ETAA1: variants seen among roughly 807,000 people sequenced by gnomAD.
The protein encoded by ETAA1 is ewing's tumor-associated antigen 1.
Under a neutral mutation model 76.8 loss-of-function variants are expected in ETAA1, and 49 were observed. The observed-to-expected ratio is 0.64, with a 90% CI of 0.51 to 0.81. The LOEUF (loss-of-function observed/expected upper bound fraction) is 0.81, where lower values mean the gene tolerates loss of function less well. ETAA1 is among the 30% of genes least tolerant of loss of function. ETAA1 has a pLI of 0.00. For synonymous variants in ETAA1, 373 were observed against 372.2 expected (o/e 1.00, Z -0.03); for missense variants, 1,099 against 1,074.0 (o/e 1.02, Z -0.32).
In ETAA1 at chr2:67,411,241, T is replaced by TA. The variant is rs1382605424; in HGVS notation, c.*1204dup. On this transcript the variant is annotated 3_prime_UTR_variant, in exon 6 of 6. Transcript: ENST00000272342. ...TGGTTTTAGGAGATCTAGAGAAAGT[T>TA]AGAGATATGAAACACCTGTCATGGT... The TA allele has an allele frequency of 6.6e-6, 1 of 152,032 alleles. No homozygotes were observed. Among genetic ancestry groups the TA allele is most frequent in the Non-Finnish European group, 1.5e-5 (1 of 67,994 alleles). 9.4% of individuals were successfully genotyped at this position (152,032 alleles called of 1,614,324 possible).
At position 67,410,279 on chromosome 2, in the gene ETAA1, A is replaced by G; in HGVS notation, c.*241A>G. The stretch of plus-strand genomic sequence containing the variant: ...CAGGAAAGTTAGCAATTATGTACGG[A>G]TATTATACAGAGGAAAGTAGTTATA... On this transcript the variant is annotated 3_prime_UTR_variant, in exon 6 of 6. Transcript: ENST00000272342. The G allele has an allele frequency of 2.5e-6, 1 of 400,312 alleles. No homozygotes were observed. The highest frequency in any genetic ancestry group is 3.6e-5 in the South Asian group (1 of 27,776). The allele number at this position is 400,312 out of a possible 1,614,324, so 24.8% of individuals were successfully genotyped here.
chr2:67,402,182 A>G (rs1676074936), intron 3 of ETAA1: 1 of 151,910 alleles, frequency 6.6e-6, no homozygotes, highest in Non-Finnish European at 1.5e-5. Context: ...AGTGACTGAA[A>G]GGTACAGCAA....
chr2:67,405,042 T>C lies in ETAA1; in HGVS notation c.2360T>C (p.Ile787Thr). Residue 787 changes from isoleucine to threonine, a missense_variant, in exon 5 of 6, where the codon ATT (isoleucine) becomes ACT (threonine). Coordinates refer to ENST00000272342, the MANE Select transcript of ETAA1 (RefSeq NM_019002.4). ...NVTSDHMNTE[I>T]TTYKKKLSTN... ...ACTTCAGATCATATGAATACAGAAA[T>C]TACTACTTATAAGAAGAAATTGAGT... 1 of 1,611,532 alleles carries C rather than the reference T, an allele frequency of 6.2e-7. No homozygotes were observed. Among genetic ancestry groups the C allele is most frequent in the Non-Finnish European group, 8.5e-7 (1 of 1,178,830 alleles).
At position 67,399,581 on chromosome 2, in the gene ETAA1, A is replaced by C. The variant is rs767980411; in HGVS notation, c.384A>C (p.Thr128=). The change falls in exon 3 of 6, where the codon ACA becomes ACC. Residue 128 remains threonine, a synonymous_variant. Coordinates refer to ENST00000272342, the MANE Select transcript of ETAA1 (RefSeq NM_019002.4). ...GKGRKKQIYT[T]DSDEISHIVN... ...GAAGAAAAAAACAGATTTACACCACAGATAGTGATGAGATTTCACATATTG... is the reference window on the plus strand; with the variant it reads ...GAAGAAAAAAACAGATTTACACCACCGATAGTGATGAGATTTCACATATTG... 6.2e-7 allele frequency: 1 copy of C among 1,608,592 alleles called. No homozygotes were observed. Among genetic ancestry groups the C allele is most frequent in the South Asian group, 1.1e-5 (1 of 90,280 alleles).
rs1473435499 is a variant in ETAA1, at chr2:67,408,246, A to T, written c.2654-1665A>T. On this transcript the variant is annotated intron_variant, in intron 5 of 5. Coordinates refer to ENST00000272342, the MANE Select transcript of ETAA1 (RefSeq NM_019002.4). Reference sequence around the variant, plus strand: ...TATTTCAGGCAGGAGTTGGCAAACTATGATCTGTCCAAATCCAGCCTGCAG... The same window carrying T: ...TATTTCAGGCAGGAGTTGGCAAACTTTGATCTGTCCAAATCCAGCCTGCAG... Among the ~76,000 whole-genome samples, 3 of 152,282 alleles carry T rather than the reference A, an allele frequency of 2.0e-5. No homozygotes were observed. In the East Asian group the frequency reaches 5.8e-4, roughly 29 times the overall value.
rs778322734 is a variant in ETAA1, at chr2:67,404,291, AT to A, written c.1613del (p.Leu538Ter). On this transcript the variant is annotated frameshift_variant, in exon 5 of 6. Coordinates refer to ENST00000272342, the MANE Select transcript of ETAA1 (RefSeq NM_019002.4). LOFTEE classifies it high-confidence loss of function. ...RYSNEQKNKC[I>X]LNQSIKAPVN... ...TTCTAATGAACAGAAAAATAAGTGC[AT>A]TTTAAATCAGTCTATTAAAGCCCCT... The A allele has an allele frequency of 1.9e-6, 3 of 1,611,996 alleles. No homozygotes were observed. Among genetic ancestry groups the A allele is most frequent in the African/African-American group, 2.7e-5 (2 of 74,888 alleles).
chr2:67,399,675 C>A, intron 3 of ETAA1, 49 bp downstream of exon 3: 1 of 1,267,738 alleles, frequency 7.9e-7, no homozygotes, highest in African/African-American at 1.5e-5. Context: ...GAAGAATGTG[C>A]CACTAAGTTT....
rs532552309 is a variant in ETAA1, at chr2:67,406,188, T to C, written c.2653+853T>C. 3.3e-5 allele frequency among the ~76,000 whole-genome samples: 5 copies of C among 152,252 alleles called. No homozygotes were observed. The Middle Eastern group carries it at 0.01, about 311-fold the overall frequency. On this transcript the variant is annotated intron_variant, in intron 5 of 5. Coordinates refer to ENST00000272342, the MANE Select transcript of ETAA1 (RefSeq NM_019002.4). Reference sequence around the variant, plus strand: ...CTCTCTTTAACCTGCGTCTCCTCTTTTTTCCTTACCTACTAAGCTTCAGCT... The same window carrying C: ...CTCTCTTTAACCTGCGTCTCCTCTTCTTTCCTTACCTACTAAGCTTCAGCT...
rs368190103 is a variant in ETAA1, at chr2:67,403,676, A to G, written c.994A>G (p.Ile332Val). Reference protein sequence around the residue: ...EKIITNETLVIEKLSNKTPRS... With the variant: ...EKIITNETLVVEKLSNKTPRS... ...AATCATTACTAATGAAACTCTGGTC[A>G]TTGAAAAACTGTCAAATAAAACCCC... Residue 332 changes from isoleucine (I) to valine (V), a missense_variant, in exon 5 of 6, where the codon ATT becomes GTT. By Grantham distance (29) the Ile-to-Val change is conservative. Transcript: ENST00000272342. 1 of 1,613,440 alleles carries G rather than the reference A, an allele frequency of 6.2e-7. No individual in the cohort carries two copies. Among genetic ancestry groups the G allele is most frequent in the Non-Finnish European group, 8.5e-7 (1 of 1,179,484 alleles).
At chr2:67,399,439 CAT>C (rs1014074616) in intron 2 of ETAA1, 109 bp from the exon 3 acceptor site, 58 of 1,128,106 alleles carry the variant, frequency 5.1e-5, no homozygotes, top group Admixed American at 4.7e-4. Context: ...GATGTAAACA[CAT>C]AATCCTCTAA....
At chr2:67,399,412 T>C in intron 2 of ETAA1, 115 bp downstream of exon 2, 1 of 1,172,636 alleles carries the variant, frequency 8.5e-7, no homozygotes, top group African/African-American at 1.6e-5. Flanking sequence ...TATATGATTT[T>C]ATCTGTATAA....
rs772798354 is a variant in ETAA1, at chr2:67,405,114, A to T, written c.2432A>T (p.Asn811Ile). ...HKTVTDEAQS[N>I]LNTTVGFSKF... is the part of the protein sequence containing the mutation. Reference sequence around the variant, plus strand: ...ACTGTAACAGATGAAGCTCAGAGCAACCTTAACACAACAGTTGGATTTTCA... The same window carrying T: ...ACTGTAACAGATGAAGCTCAGAGCATCCTTAACACAACAGTTGGATTTTCA... Residue 811 changes from asparagine (N) to isoleucine (I), a missense_variant, in exon 5 of 6, where the codon AAC (asparagine) becomes ATC (isoleucine). Physicochemically the swap from Asn to Ile is moderately radical, Grantham distance 149 (BLOSUM62 -3). Coordinates refer to ENST00000272342, the MANE Select transcript of ETAA1 (RefSeq NM_019002.4). The T allele has an allele frequency of 5.0e-6, 8 of 1,612,584 alleles. No homozygotes were observed. The South Asian group carries it at 6.6e-5, about 13-fold the overall frequency.
chr2:67,406,094 C>T (rs1676211545), intron 5 of ETAA1, among the ~76,000 whole-genome samples: 1 of 152,092 alleles, frequency 6.6e-6, no homozygotes, highest in Non-Finnish European at 1.5e-5. Context: ...AAACAACCTT[C>T]AATGGCTGCC....
Position 67,404,091 on chromosome 2 carries a change from C to A in ETAA1, c.1409C>A (p.Ser470Ter). Residue 470 changes from serine to a stop codon, truncating the protein, a stop_gained, in exon 5 of 6, where the codon TCA becomes TAA. Coordinates refer to ENST00000272342, the MANE Select transcript of ETAA1 (RefSeq NM_019002.4). LOFTEE classifies it high-confidence loss of function. ...EYRFSPNSNK[S>*]NKLSTGNKMK... ...AGATTTTCACCAAATTCAAATAAATCAAACAAATTATCCACTGGAAATAAA... is the reference window on the plus strand; with the variant it reads ...AGATTTTCACCAAATTCAAATAAATAAAACAAATTATCCACTGGAAATAAA... 1 of 1,595,316 alleles carries A rather than the reference C, an allele frequency of 6.3e-7. No homozygotes were observed. Among genetic ancestry groups the A allele is most frequent in the Non-Finnish European group, 8.5e-7 (1 of 1,173,324 alleles).
At chr2:67,401,220 C>A (rs1676047660) in intron 3 of ETAA1, 1 of 151,962 alleles carries the variant, frequency 6.6e-6, no homozygotes, top group Non-Finnish European at 1.5e-5. Flanking sequence ...CCCTCTTAAA[C>A]TGAGTACTTT....
Position 67,404,757 on chromosome 2 carries a change from C to G in ETAA1, c.2075C>G (p.Ser692Ter). The G allele has an allele frequency of 6.2e-7, 1 of 1,613,380 alleles. No homozygotes were observed. Among genetic ancestry groups the G allele is most frequent in the Non-Finnish European group, 8.5e-7 (1 of 1,179,556 alleles). ...ISKQGSNLVQ[S>*]KHLNPGSISV... ...AAACAAGGAAGTAATTTGGTACAAT[C>G]AAAGCATTTGAATCCAGGCAGCATT... The change falls in exon 5 of 6, where the codon TCA (serine) becomes TGA (stop). Residue 692 changes from serine to a stop codon, truncating the protein, a stop_gained. Coordinates refer to ENST00000272342, the MANE Select transcript of ETAA1 (RefSeq NM_019002.4). LOFTEE classifies it high-confidence loss of function.
Position 67,409,927 on chromosome 2 carries a change from T to C in ETAA1, c.2670T>C (p.Asn890=). ...KQSSKEEEEK[N]RKCSPEEIQR... ...AATTTTTAGAGGAAGAAGAGAAAAA[T>C]AGAAAGTGTTCTCCTGAAGAAATTC... The change falls in exon 6 of 6, where the codon AAT becomes AAC. Residue 890 remains asparagine, a synonymous_variant. Transcript: ENST00000272342. 1 of 1,597,106 alleles carries C rather than the reference T, an allele frequency of 6.3e-7. No individual in the cohort carries two copies. Among genetic ancestry groups the C allele is most frequent in the Non-Finnish European group, 8.5e-7 (1 of 1,174,876 alleles).
rs1026604128 is a variant in ETAA1, at chr2:67,404,203, G to C, written c.1521G>C (p.Lys507Asn). The stretch of plus-strand genomic sequence containing the variant: ...TTACATCTAATCTGACAAAAATAAA[G>C]GAAGATATTCTTACTAACTCTACTG... ...CIVTSNLTKI[K>N]EDILTNSTEA... The change falls in exon 5 of 6, where the codon AAG becomes AAC. Residue 507 changes from lysine (K) to asparagine (N), a missense_variant. Coordinates refer to ENST00000272342, the MANE Select transcript of ETAA1 (RefSeq NM_019002.4). 8 of 1,610,870 alleles carry C rather than the reference G, an allele frequency of 5.0e-6. No individual in the cohort carries two copies. Among genetic ancestry groups the C allele is most frequent in the Non-Finnish European group, 6.8e-6 (8 of 1,178,650 alleles).
rs754066352 is a variant in ETAA1 at position 67,409,908 on chromosome 2, T to C, written c.2654-3T>C. 6.3e-7 allele frequency: 1 copy of C among 1,585,850 alleles called. No homozygotes were observed. The highest frequency in any genetic ancestry group is 2.3e-5 in the East Asian group (1 of 44,244). ...TAAAACTCATCTTTTGTTGAATTTT[T>C]AGAGGAAGAAGAGAAAAATAGAAAG... is the stretch of plus-strand genomic sequence containing the variant. On this transcript the variant is annotated splice_region_variant and splice_polypyrimidine_tract_variant and intron_variant, in intron 5 of 5. Coordinates refer to ENST00000272342, the MANE Select transcript of ETAA1 (RefSeq NM_019002.4).
Sources: allele counts gnomAD v4.1 joint callset (sites outside exome capture counted in the v4.1 genomes callset), GRCh38; gene constraint gnomAD v4.1.1; transcripts MANE v1.5; gene names NCBI Gene and HGNC (gene_info 2026-07-23, HGNC 2026-07-21).